Variants in PDE4D observed in about 807,000 individuals in gnomAD.
The protein encoded by PDE4D is phosphodiesterase 4D.
PDE4D carries 24 observed loss-of-function variants against 87.4 expected under a neutral mutation model. The observed-to-expected ratio is 0.27, with a 90% CI of 0.20 to 0.39. The LOEUF is 0.39. Ranked by LOEUF, PDE4D falls within the 10% of genes least tolerant of loss-of-function variation. PDE4D has a pLI of 1.00. For synonymous variants in PDE4D, 384 were observed against 383.2 expected (o/e 1.00, Z -0.02); for missense variants, 714 against 1,041.0 (o/e 0.69, Z 4.32).
At chr5:59,050,273 A>C (rs906991725) in intron 5 of PDE4D, among the ~76,000 whole-genome samples, 1 of 152,196 alleles carries the variant, frequency 6.6e-6, no homozygotes, top group Non-Finnish European at 1.5e-5. Flanking sequence ...GTCCCAAAAA[A>C]AGAGAAAAAG....
At chr5:59,534,781 AAGCT>A (rs2153681283) in intron 1 of PDE4D, among the ~76,000 whole-genome samples, 1 of 152,264 alleles carries the variant, frequency 6.6e-6, no homozygotes, top group East Asian at 1.9e-4. Flanking sequence ...GCCAAAGTGT[AAGCT>A]CTAAACTGAA....
intron 6 of PDE4D, among the ~76,000 whole-genome samples, chr5:58,997,157 A>G (rs1749410016): frequency 6.6e-6 from 1 of 152,184 alleles, no homozygotes; most frequent in South Asian, 2.1e-4. Flanking sequence ...ACACAAGGGT[A>G]TTTTCTAAAA....
chr5:60,195,773 G>A (rs1418851630), intron 1 of PDE4D, among the ~76,000 whole-genome samples: 1 of 151,792 alleles, frequency 6.6e-6, no homozygotes, highest in African/African-American at 2.4e-5. Context: ...CGAGGAGGCA[G>A]TAAATGATTC....
chr5:60,054,699 ATAAAC>A (rs749176374), intron 2 of PDE4D, among the ~76,000 whole-genome samples: 18 of 152,068 alleles, frequency 1.2e-4, no homozygotes, highest in Non-Finnish European at 1.9e-4. Context: ...TAAGTTAATT[ATAAAC>A]TAAAGGATAG....
intron 1 of PDE4D, among the ~76,000 whole-genome samples, chr5:59,457,086 T>C (rs1332350297): frequency 6.6e-6 from 1 of 152,228 alleles, no homozygotes; most frequent in African/African-American, 2.4e-5. Flanking sequence ...TGTCTCCAAT[T>C]TTGAAAGTTC....
rs548921764 is a variant in PDE4D, at chr5:59,718,935, G to A, written c.455+174233C>T. 2.6e-5 allele frequency among the ~76,000 whole-genome samples: 4 copies of A among 151,820 alleles called. No individual in the cohort carries two copies. The South Asian group carries it at 8.3e-4, about 32-fold the overall frequency. On this transcript the variant is annotated intron_variant, in intron 1 of 14. Transcript: ENST00000340635. ...AAAAAGTTCTCAGATCCTTTTGAAA[G>A]GAGTTTAAATTGAAGTACAATAAAG...
chr5:59,380,910 T>C (rs1488645345), intron 1 of PDE4D, among the ~76,000 whole-genome samples: 4 of 152,190 alleles, frequency 2.6e-5, no homozygotes, highest in Admixed American at 1.3e-4. Flanking sequence ...TTGGAACATA[T>C]TATGCTCATT....
intron 1 of PDE4D, among the ~76,000 whole-genome samples, chr5:59,824,777 C>T (rs1770123165): frequency 1.3e-5 from 2 of 152,140 alleles, no homozygotes; most frequent in South Asian, 4.1e-4. Flanking sequence ...TCTCTCTGCT[C>T]ACCTCACTAG....
intron 1 of PDE4D, among the ~76,000 whole-genome samples, chr5:59,407,840 T>C (rs910363674): frequency 2.6e-5 from 4 of 152,152 alleles, no homozygotes; most frequent in Non-Finnish European, 4.4e-5. Context: ...ACTGAAGCAA[T>C]TGAGATGTGA....
chr5:59,440,037 C>T (rs1797363216), intron 1 of PDE4D, among the ~76,000 whole-genome samples: 1 of 152,170 alleles, frequency 6.6e-6, no homozygotes, highest in Non-Finnish European at 1.5e-5. Context: ...CATTAAGATT[C>T]TGTAAGTTTC....
chr5:60,379,675 CT>C (rs1232133588), intron 1 of PDE4D, among the ~76,000 whole-genome samples: 1 of 152,138 alleles, frequency 6.6e-6, no homozygotes, highest in Non-Finnish European at 1.5e-5. Flanking sequence ...TGTAGGAAGT[CT>C]TTTAGTAAAC....
intron 1 of PDE4D, among the ~76,000 whole-genome samples, chr5:60,283,373 C>CT (rs1438063747): frequency 6.6e-6 from 1 of 152,046 alleles, no homozygotes; most frequent in Non-Finnish European, 1.5e-5. Context: ...TCAAAGTATA[C>CT]TTTTTTGTTA....
At chr5:59,406,623 C>G (rs574125704) in intron 1 of PDE4D, among the ~76,000 whole-genome samples, 2 of 152,250 alleles carry the variant, frequency 1.3e-5, no homozygotes, top group East Asian at 1.9e-4. Context: ...CTCCTGACCT[C>G]ATGATCTGCC....
intron 6 of PDE4D, among the ~76,000 whole-genome samples, chr5:59,016,390 CT>C (rs35622981): frequency 0.15 from 11,868 of 77,926 alleles, 641 homozygotes; most frequent in Non-Finnish European, 0.21. Flanking sequence ...TCAGTCTGTT[CT>C]TTTTTTTTTT....
intron 1 of PDE4D, among the ~76,000 whole-genome samples, chr5:59,607,058 T>C (rs1044495513): frequency 6.6e-6 from 1 of 152,060 alleles, no homozygotes; most frequent in African/African-American, 2.4e-5. Context: ...AGAGGCTATT[T>C]AGAGATATTG....
intron 6 of PDE4D, among the ~76,000 whole-genome samples, chr5:59,017,073 TC>T (rs1238803229): frequency 2.0e-5 from 3 of 152,140 alleles, no homozygotes; most frequent in African/African-American, 7.2e-5. Flanking sequence ...CACAGCACTC[TC>T]AACAAAGGCT....
rs1461847743 is a variant in PDE4D at position 60,448,206 on chromosome 5, G to A, written c.-90+39736C>T. Among the ~76,000 whole-genome samples the A allele has an allele frequency of 2.0e-5, 3 of 152,036 alleles. No individual in the cohort carries two copies. The East Asian group carries it at 5.8e-4, about 29-fold the overall frequency. ...TCAGTCAATTCTTAAAGTTTTCATTGATGATAAAGGCATCCTCTCCATACA... is the reference window on the plus strand; with the variant it reads ...TCAGTCAATTCTTAAAGTTTTCATTAATGATAAAGGCATCCTCTCCATACA... On this transcript the variant is annotated intron_variant, in intron 1 of 16. Coordinates refer to the PDE4D transcript ENST00000502484.
At chr5:60,277,449 A>T (rs993139205) in intron 1 of PDE4D, among the ~76,000 whole-genome samples, 2 of 152,180 alleles carry the variant, frequency 1.3e-5, no homozygotes, top group African/African-American at 4.8e-5. Context: ...GCATTTCTTT[A>T]CACCAATAAT....
At chr5:60,177,676 T>G (rs1424414908) in intron 2 of PDE4D, among the ~76,000 whole-genome samples, 1 of 152,176 alleles carries the variant, frequency 6.6e-6, no homozygotes, top group East Asian at 1.9e-4. Flanking sequence ...AAATTATTAT[T>G]GAGCCTGTTC....
Sources: allele counts gnomAD v4.1 joint callset (sites outside exome capture counted in the v4.1 genomes callset), GRCh38; gene constraint gnomAD v4.1.1; transcripts MANE v1.5; gene names NCBI Gene and HGNC (gene_info 2026-07-23, HGNC 2026-07-21).